Variants in PANK4 observed in about 807,000 individuals in gnomAD.
PANK4 encodes pantothenate kinase 4 (inactive).
A neutral mutation model predicts 87.9 loss-of-function variants in PANK4; 40 were observed. That is an observed-to-expected ratio of 0.46 (90% CI 0.35 to 0.59). PANK4 has a LOEUF of 0.59. Among genes scored for constraint, PANK4 ranks in the 20% least tolerant of loss-of-function variants. The pLI is 0.00. For missense variants in PANK4, 926 were observed against 1,072.3 expected, an observed-to-expected ratio of 0.86 and a Z score of 1.90; for synonymous variants, 524 against 467.4, an observed-to-expected ratio of 1.12 and a Z score of -1.56.
chr1:2,520,594 C>T lies in PANK4; in HGVS notation c.606+129G>A. The T allele has an allele frequency of 9.3e-7, 1 of 1,072,222 alleles. No individual in the cohort carries two copies. Among genetic ancestry groups the T allele is most frequent in the Admixed American group, 2.0e-5 (1 of 50,148 alleles). 66.4% of individuals were successfully genotyped at this position (1,072,222 alleles called of 1,614,324 possible). On this transcript the variant is annotated intron_variant, in intron 4 of 18. Transcript: ENST00000378466. This position sits in a 1 kb window ranked among gnomAD's most constrained non-coding sequence, Gnocchi z 6.2. ...CCCTCCCACAGAGGCTCTGAGCTCA[C>T]AGCCTCGCCACCCCCCTCCCGCCCA...
In PANK4 at chr1:2,519,118, C is replaced by T; in HGVS notation, c.1035+25G>A. 2 of 1,601,294 alleles carry T rather than the reference C, an allele frequency of 1.2e-6. No individual in the cohort carries two copies. The highest frequency in any genetic ancestry group is 8.5e-7 in the Non-Finnish European group (1 of 1,172,016). ...GATCCTGGGGGGTCTGCGTTAGAGGCTGGGGAGGGCGGCGCATCCGTTACC... is the reference window on the plus strand; with the variant it reads ...GATCCTGGGGGGTCTGCGTTAGAGGTTGGGGAGGGCGGCGCATCCGTTACC... On this transcript the variant is annotated intron_variant, in intron 7 of 18. Coordinates refer to ENST00000378466, the MANE Select transcript of PANK4 (RefSeq NM_018216.4). The surrounding 1 kb of genome is among the most constrained non-coding windows in gnomAD (Gnocchi z 8.3).
chr1:2,515,524 G>A lies in PANK4; in HGVS notation c.1374+38C>T, dbSNP rs113850544. The A allele has an allele frequency of 9.8e-5, 157 of 1,604,982 alleles. 1 individual carries two copies. In the African/African-American group the frequency reaches 1.3e-3, roughly 14 times the overall value. On this transcript the variant is annotated intron_variant, in intron 10 of 18. Transcript: ENST00000378466. The surrounding 1 kb of genome is among the most constrained non-coding windows in gnomAD (Gnocchi z 5.0). ...AGCCTTGGAAGGTTAACCCGGCTGCGGCCTTGGAATCGTCTAGACGGCACC... is the reference window on the plus strand; with the variant it reads ...AGCCTTGGAAGGTTAACCCGGCTGCAGCCTTGGAATCGTCTAGACGGCACC...
chr1:2,525,822 G>T (rs901889532), intron 1 of PANK4: 2 of 152,294 alleles, frequency 1.3e-5, no homozygotes, highest in Admixed American at 1.3e-4. Context: ...GGCCACGGAA[G>T]GCACGGGTGG....
Position 2,515,330 on chromosome 1 carries a change from C to A in PANK4, c.1374+232G>T. On this transcript the variant is annotated intron_variant, in intron 10 of 18. Transcript: ENST00000378466. This position sits in a 1 kb window ranked among gnomAD's most constrained non-coding sequence, Gnocchi z 5.0. ...CTAGCTAGCAGAACTATCAGCTGCC[C>A]TTAGAAGCAACGTGCCTCGCAGACG... is the stretch of plus-strand genomic sequence containing the variant. 1.4e-6 allele frequency: 1 copy of A among 696,186 alleles called. No individual in the cohort carries two copies. 43.1% of individuals were successfully genotyped at this position (696,186 alleles called of 1,614,324 possible).
Position 2,510,527 on chromosome 1 carries a change from G to A in PANK4, c.1938+151C>T, listed in dbSNP as rs533117241. On this transcript the variant is annotated intron_variant, in intron 16 of 18. Transcript: ENST00000378466. The surrounding 1 kb of genome is among the most constrained non-coding windows in gnomAD (Gnocchi z 4.9). ...CGGAGCCTCCACCCCAGCAGATGACGGCTCTGGGCCGCCTCCCCCGTGCTG... is the reference window on the plus strand; with the variant it reads ...CGGAGCCTCCACCCCAGCAGATGACAGCTCTGGGCCGCCTCCCCCGTGCTG... 9 of 648,262 alleles carry A rather than the reference G, an allele frequency of 1.4e-5. No individual in the cohort carries two copies. The highest frequency in any genetic ancestry group is 1.1e-4 in the African/African-American group (6 of 55,024). The allele number at this position is 648,262 out of a possible 1,614,324, so 40.2% of individuals were successfully genotyped here.
At chr1:2,516,749 A>G (rs3791182) in intron 9 of PANK4, among the ~76,000 whole-genome samples, 46,840 of 152,226 alleles carry the variant, frequency 0.31, 8,258 homozygotes, top group African/African-American at 0.47. Flanking sequence ...AAGCCAGTGC[A>G]GAAGGCGGCA....
In PANK4 at chr1:2,514,108, G is replaced by A. The variant is rs757356389; in HGVS notation, c.1488-19C>T. 37 of 1,597,030 alleles carry A rather than the reference G, an allele frequency of 2.3e-5. No homozygotes were observed. The highest frequency in any genetic ancestry group is 2.9e-5 in the Non-Finnish European group (34 of 1,165,996). On this transcript the variant is annotated intron_variant, in intron 11 of 18. Coordinates refer to ENST00000378466, the MANE Select transcript of PANK4 (RefSeq NM_018216.4). ...ATAGGCGCTGGGGACAGACACGGCA[G>A]AGGGCGCTGAGCAGGGCAGGCCGAA...
chr1:2,511,474 G>GA (rs1643660577), intron 14 of PANK4, 87 bp from the exon 15 acceptor site: 11 of 1,197,488 alleles, frequency 9.2e-6, no homozygotes, highest in Non-Finnish European at 1.4e-5. Context: ...GTCTCTCCAG[G>GA]AAGCAAGTTC....
rs1333174209 is a variant in PANK4, at chr1:2,515,548, C to T, written c.1374+14G>A. 3 of 1,611,894 alleles carry T rather than the reference C, an allele frequency of 1.9e-6. No individual in the cohort carries two copies. Among genetic ancestry groups the T allele is most frequent in the Non-Finnish European group, 1.7e-6 (2 of 1,179,516 alleles). On this transcript the variant is annotated intron_variant, in intron 10 of 18. Transcript: ENST00000378466. This position sits in a 1 kb window ranked among gnomAD's most constrained non-coding sequence, Gnocchi z 5.0. The stretch of plus-strand genomic sequence containing the variant: ...CGGCCTTGGAATCGTCTAGACGGCA[C>T]CCGGAGCCCTCACCCCGTCCAGGGC...
chr1:2,521,177 C>T lies in PANK4; in HGVS notation c.346G>A (p.Glu116Lys). 1.9e-6 allele frequency: 3 copies of T among 1,613,988 alleles called. No homozygotes were observed. Among genetic ancestry groups the T allele is most frequent in the Non-Finnish European group, 2.5e-6 (3 of 1,180,004 alleles). ...DFIKDHLVNTETKVIQATGGG... is the reference protein window; with the variant it reads ...DFIKDHLVNTKTKVIQATGGG... ...CCGGTCGCCTGGATGACCTTGGTCTCTGTGTTGACGAGATGGTCTTTGATG... is the reference window on the plus strand; with the variant it reads ...CCGGTCGCCTGGATGACCTTGGTCTTTGTGTTGACGAGATGGTCTTTGATG... Residue 116 changes from glutamate (E) to lysine (K), a missense_variant, in exon 3 of 19, where the codon GAG becomes AAG. Glu to Lys is a moderately conservative substitution (Grantham distance 56, BLOSUM62 1). Coordinates refer to ENST00000378466, the MANE Select transcript of PANK4 (RefSeq NM_018216.4).
At chr1:2,516,793 G>A (rs919856783) in intron 9 of PANK4, among the ~76,000 whole-genome samples, 10 of 152,258 alleles carry the variant, frequency 6.6e-5, no homozygotes, top group Non-Finnish European at 1.0e-4. Context: ...GACCACAGCC[G>A]GGATCGCCTG....
In PANK4 at chr1:2,509,002, T is replaced by C. The variant is rs1643615226; in HGVS notation, c.2167A>G (p.Ile723Val). ...VRERGADLVV[I>V]EGMGRAVHTN... ...TGGACAGCACGGCCCATGCCCTCGA[T>C]GACCACCAGATCCGCGCCACGCTCC... Residue 723 changes from isoleucine (I) to valine (V), a missense_variant, in exon 19 of 19, where the codon ATC (isoleucine) becomes GTC (valine). Ile to Val is a conservative substitution (Grantham distance 29, BLOSUM62 3). Coordinates refer to ENST00000378466, the MANE Select transcript of PANK4 (RefSeq NM_018216.4). The surrounding 1 kb of genome is among the most constrained non-coding windows in gnomAD (Gnocchi z 4.9). 6.2e-7 allele frequency: 1 copy of C among 1,607,364 alleles called. No individual in the cohort carries two copies. Among genetic ancestry groups the C allele is most frequent in the Non-Finnish European group, 8.5e-7 (1 of 1,179,650 alleles).
intron 12 of PANK4, among the ~76,000 whole-genome samples, chr1:2,513,640 G>A (rs569168807): frequency 1.3e-5 from 2 of 152,334 alleles, no homozygotes; most frequent in Admixed American, 1.3e-4. Flanking sequence ...TGAGGGGAAA[G>A]CAGTCCCCAA....
Position 2,509,079 on chromosome 1 carries a change from C to T in PANK4, c.2109-19G>A, listed in dbSNP as rs143475389. On this transcript the variant is annotated intron_variant, in intron 18 of 18. Coordinates refer to ENST00000378466, the MANE Select transcript of PANK4 (RefSeq NM_018216.4). The surrounding 1 kb of genome is among the most constrained non-coding windows in gnomAD (Gnocchi z 4.9). Reference sequence around the variant, plus strand: ...CAGGCGGCTTTGGGGAGGAAGAGGACGGTGAGACTGGGCAAGCAGACCCCA... The same window carrying T: ...CAGGCGGCTTTGGGGAGGAAGAGGATGGTGAGACTGGGCAAGCAGACCCCA... The T allele has an allele frequency of 9.2e-4, 1,453 of 1,576,700 alleles. 17 individuals are homozygous for T. The East Asian group carries it at 0.014, about 16-fold the overall frequency.
chr1:2,513,834 C>T (rs1210344009), intron 12 of PANK4, among the ~76,000 whole-genome samples, 168 bp downstream of exon 12: 1 of 152,246 alleles, frequency 6.6e-6, no homozygotes, highest in African/African-American at 2.4e-5. Flanking sequence ...ATGCTGCCAA[C>T]AGAGGCCCTG....
intron 13 of PANK4, 98 bp downstream of exon 13, chr1:2,512,790 G>A: frequency 2.4e-6 from 3 of 1,248,860 alleles, no homozygotes; most frequent in Non-Finnish European, 3.5e-6. Flanking sequence ...AGCGCCACGT[G>A]ACCCCCAAGG....
intron 1 of PANK4, 51 bp from the exon 2 acceptor site, chr1:2,521,851 G>T (rs377041269): frequency 1.7e-5 from 24 of 1,412,050 alleles, no homozygotes; most frequent in Admixed American, 6.7e-5. Flanking sequence ...ACACAGCGGG[G>T]CCTGGGGGTC....
Position 2,519,265 on chromosome 1 carries a change from G to T in PANK4, c.913C>A (p.Gln305Lys), listed in dbSNP as rs1643841428. The T allele has an allele frequency of 6.2e-7, 1 of 1,612,288 alleles. No homozygotes were observed. The highest frequency in any genetic ancestry group is 8.5e-7 in the Non-Finnish European group (1 of 1,179,672). Residue 305 changes from glutamine (Q) to lysine (K), a missense_variant, in exon 7 of 19, where the codon CAG becomes AAG. By Grantham distance (53) the Gln-to-Lys change is moderately conservative. Coordinates refer to ENST00000378466, the MANE Select transcript of PANK4 (RefSeq NM_018216.4). This position sits in a 1 kb window ranked among gnomAD's most constrained non-coding sequence, Gnocchi z 8.3. The part of the protein sequence containing the change: ...LLHMISNDIG[Q>K]LACLHARLHS... ...AGCCGTGCGTGGAGGCAGGCCAGCT[G>T]CCCAATGTCGTTGCTGATCATGTGC...
At chr1:2,518,667 A>C in intron 7 of PANK4, 70 bp from the exon 8 acceptor site, 261 of 1,302,026 alleles carry the variant, frequency 2.0e-4, no homozygotes, top group Non-Finnish European at 2.6e-4. Context: ...AAACCAGCTC[A>C]ACGTGCGCGG....
Sources: gnomAD v4.1 joint callset for allele counts (sites outside exome capture counted in the v4.1 genomes callset) on GRCh38, gnomAD v4.1.1 for gene constraint, Gnocchi (gnomAD v3.1) non-coding constraint, MANE v1.5 for transcripts, NCBI Gene and HGNC (gene_info 2026-07-23, HGNC 2026-07-21) for gene names.